The following TACC2 variants were observed in gnomAD, a reference collection of about 807,000 sequenced individuals.
TACC2 encodes transforming acidic coiled-coil containing protein 2, also known as transforming acidic coiled-coil-containing protein 2.
TACC2 carries 137 observed loss-of-function variants against 227.3 expected under a neutral mutation model. That is an observed-to-expected ratio of 0.60 (90% CI 0.52 to 0.69). TACC2 has a LOEUF of 0.69. Ranked by LOEUF, TACC2 falls within the 30% of genes least tolerant of loss-of-function variation. TACC2 has a pLI of 0.00. For missense variants in TACC2, 3,470 were observed against 3,694.4 expected (o/e 0.94, Z 1.57); for synonymous variants, 1,523 against 1,487.5 (o/e 1.02, Z -0.55).
At chr10:122,241,858 G>T (rs2096003357) in intron 18 of TACC2, 100 bp from the exon 19 acceptor site, 5 of 1,099,448 alleles carry the variant, frequency 4.5e-6, no homozygotes, top group African/African-American at 1.5e-5. Flanking sequence ...CCTGGAAGTT[G>T]GGGCCCTGCT....
intron 3 of TACC2, among the ~76,000 whole-genome samples, chr10:122,061,285 CAAAAAAAAAAAA>C (rs58324245): frequency 1.1e-5 from 1 of 87,106 alleles, no homozygotes; most frequent in African/African-American, 4.5e-5. Flanking sequence ...CACTCCGTCT[CAAAAAAAAAAAA>C]AAAAAAAAAG....
chr10:122,047,375 A>G (rs1331930272), intron 2 of TACC2, among the ~76,000 whole-genome samples: 1 of 150,448 alleles, frequency 6.6e-6, no homozygotes, highest in Non-Finnish European at 1.5e-5. Context: ...TAAAGTTTCC[A>G]TGGTCTTGAT....
chr10:122,046,167 CT>C (rs67107008), intron 2 of TACC2, among the ~76,000 whole-genome samples: 27,548 of 148,442 alleles, frequency 0.19, 2,991 homozygotes, highest in Admixed American at 0.27. Context: ...AAGAGCAAAA[CT>C]CCATCTCAAA....
At chr10:121,999,058 G>C (rs1953942456) in intron 1 of TACC2, among the ~76,000 whole-genome samples, 1 of 151,438 alleles carries the variant, frequency 6.6e-6, no homozygotes, top group African/African-American at 2.4e-5. Context: ...CGCCAGGCTG[G>C]AGTGCAGTGG....
chr10:122,140,838 A>G (rs1445909786), intron 6 of TACC2, among the ~76,000 whole-genome samples: 3 of 152,180 alleles, frequency 2.0e-5, no homozygotes, highest in Non-Finnish European at 4.4e-5. Context: ...CTGGCAGCTC[A>G]GGGGGAGTTC....
intron 5 of TACC2, among the ~76,000 whole-genome samples, chr10:122,102,101 G>A (rs573459416): frequency 5.3e-5 from 8 of 152,132 alleles, no homozygotes; most frequent in East Asian, 1.9e-4. Context: ...CGCTTCACCC[G>A]TCGGTTTGGG....
intron 3 of TACC2, among the ~76,000 whole-genome samples, chr10:122,070,300 C>T (rs375997919): frequency 7.9e-5 from 12 of 152,258 alleles, no homozygotes; most frequent in African/African-American, 2.9e-4. Flanking sequence ...TTAATTAATG[C>T]TAGGAGTCTT....
intron 9 of TACC2, among the ~76,000 whole-genome samples, chr10:122,214,114 A>T: frequency 6.6e-6 from 1 of 152,124 alleles, no homozygotes; most frequent in Middle Eastern, 3.2e-3. Flanking sequence ...AAGACATGCA[A>T]CTTTTCCCTG....
intron 7 of TACC2, among the ~76,000 whole-genome samples, chr10:122,182,977 G>A (rs2094024960): frequency 6.6e-6 from 1 of 152,106 alleles, no homozygotes; most frequent in South Asian, 2.1e-4. Context: ...GCCAAGGTGG[G>A]TGGATCGCTT....
chr10:122,252,311 C>T (rs568828813), intron 22 of TACC2, among the ~76,000 whole-genome samples: 1 of 152,094 alleles, frequency 6.6e-6, no homozygotes, highest in East Asian at 1.9e-4. Flanking sequence ...TCCATTTCCT[C>T]ACTGAAAAAT....
rs531646891 is a variant in TACC2, at chr10:122,235,909, G to T, written c.8128-1486G>T. On this transcript the variant is annotated intron_variant, in intron 16 of 22. Transcript: ENST00000369005. ...CATCTCTGGCCAGTGGATCATTTGG[G>T]TCCTGCTTCAGGGTCACCCCAAGTA... Among the ~76,000 whole-genome samples the T allele has an allele frequency of 3.4e-4, 52 of 152,212 alleles. No homozygotes were observed. The South Asian group carries it at 4.2e-3, about 12-fold the overall frequency.
chr10:122,248,987 C>G (rs971607428), intron 20 of TACC2, 63 bp from the exon 21 acceptor site: 57 of 1,531,072 alleles, frequency 3.7e-5, no homozygotes, highest in Non-Finnish European at 4.8e-5. Flanking sequence ...TCCTGGGGTT[C>G]CCACCAGTGC....
chr10:122,170,619 T>C (rs1221811436), intron 7 of TACC2, among the ~76,000 whole-genome samples: 1 of 152,166 alleles, frequency 6.6e-6, no homozygotes, highest in African/African-American at 2.4e-5. Flanking sequence ...TCAAGTCTTA[T>C]CTTCACTTTT....
In TACC2 at chr10:122,234,055, T is replaced by G. The variant is rs574536968; in HGVS notation, c.8128-3340T>G. The stretch of plus-strand genomic sequence containing the variant: ...TGTCATCTCCCTAGCTCATCCTGAC[T>G]CCTGGCCTCACCCCTCCGTGGCCCC... On this transcript the variant is annotated intron_variant, in intron 16 of 22. Transcript: ENST00000369005. Among the ~76,000 whole-genome samples the G allele has an allele frequency of 6.2e-4, 95 of 152,294 alleles. No individual in the cohort carries two copies. The South Asian group carries it at 0.019, about 31-fold the overall frequency.
At chr10:122,042,609 T>G (rs911915221) in intron 2 of TACC2, among the ~76,000 whole-genome samples, 3 of 152,206 alleles carry the variant, frequency 2.0e-5, no homozygotes, top group African/African-American at 7.2e-5. Context: ...TTAATGAGTT[T>G]TGAATCTGTT....
chr10:122,136,416 A>G (rs2089644910), intron 6 of TACC2, among the ~76,000 whole-genome samples: 1 of 152,044 alleles, frequency 6.6e-6, no homozygotes, highest in African/African-American at 2.4e-5. Context: ...GAGGGGAGGG[A>G]CCAACATGGG....
intron 1 of TACC2, among the ~76,000 whole-genome samples, chr10:122,004,589 C>A (rs1256918691): frequency 6.6e-6 from 1 of 152,110 alleles, no homozygotes; most frequent in Non-Finnish European, 1.5e-5. Context: ...ACACCCCATC[C>A]CCCAGAACTG....
chr10:122,038,074 A>G (rs1007523828), intron 2 of TACC2, among the ~76,000 whole-genome samples: 12 of 152,190 alleles, frequency 7.9e-5, no homozygotes, highest in Admixed American at 3.3e-4. Flanking sequence ...CCAGTGCAAC[A>G]TGGCGAGACC....
chr10:122,083,371 G>C lies in TACC2; in HGVS notation c.871G>C (p.Gly291Arg). Reference sequence around the variant, plus strand: ...CCCAAGAGCCTCAGACAGAGAAAGAGGCCAAGGGGAGGCGCCGCCTCAGTA... The same window carrying C: ...CCCAAGAGCCTCAGACAGAGAAAGACGCCAAGGGGAGGCGCCGCCTCAGTA... Reference protein sequence around the residue: ...PAPRASDRERGQGEAPPQYLT... With the variant: ...PAPRASDRERRQGEAPPQYLT... Residue 291 changes from glycine to arginine, a missense_variant, in exon 4 of 23, where the codon GGC becomes CGC. Coordinates refer to ENST00000369005, the MANE Select transcript of TACC2 (RefSeq NM_206862.4). 1 of 1,613,964 alleles carries C rather than the reference G, an allele frequency of 6.2e-7. No individual in the cohort carries two copies. The highest frequency in any genetic ancestry group is 8.5e-7 in the Non-Finnish European group (1 of 1,180,018).
Sources: gnomAD v4.1 joint callset for allele counts (sites outside exome capture counted in the v4.1 genomes callset) on GRCh38, gnomAD v4.1.1 for gene constraint, MANE v1.5 for transcripts, NCBI Gene and HGNC (gene_info 2026-07-23, HGNC 2026-07-21) for gene names.